The following RIC1 variants were observed in gnomAD, a reference collection of about 807,000 sequenced individuals.
The protein encoded by RIC1 is guanine nucleotide exchange factor subunit RIC1.
A neutral mutation model predicts 169.0 loss-of-function variants in RIC1; 88 were observed. The ratio of observed to expected loss-of-function variants is 0.52; its 90% confidence interval spans 0.44 to 0.62. RIC1 has a LOEUF of 0.62. Ranked by LOEUF, RIC1 falls within the 20% of genes least tolerant of loss-of-function variation. The probability of loss-of-function intolerance (pLI) is 0.00; values close to 1 mark genes in which losing one functional copy is unlikely to be tolerated. For synonymous variants in RIC1, 790 were observed against 601.5 expected, an observed-to-expected ratio of 1.31 and a Z score of -4.59; for missense variants, 1,877 against 1,725.5, an observed-to-expected ratio of 1.09 and a Z score of -1.56.
Position 5,769,124 on chromosome 9 carries a change from C to G in RIC1, c.3292C>G (p.Arg1098Gly). ...ACTAATTAGTTGGCTATGCAAGGAACGTACCCGAGCCGCCCGGGTAGACAA... is the reference window on the plus strand; with the variant it reads ...ACTAATTAGTTGGCTATGCAAGGAAGGTACCCGAGCCGCCCGGGTAGACAA... ...FELISWLCKE[R>G]TRAARVDNFV... Residue 1098 changes from arginine to glycine, a missense_variant, in exon 22 of 26, where the codon CGT (arginine) becomes GGT (glycine). By Grantham distance (125) the Arg-to-Gly change is moderately radical. Around this residue, in one of 3 missense-constraint regions of RIC1, gnomAD observed 681 missense variants for 582.0 expected, o/e 1.17. Coordinates refer to ENST00000414202, the MANE Select transcript of RIC1 (RefSeq NM_020829.4). 6.2e-7 allele frequency: 1 copy of G among 1,614,092 alleles called. No individual in the cohort carries two copies.
chr9:5,630,427 C>T (rs1231472661), intron 1 of RIC1, among the ~76,000 whole-genome samples: 1 of 152,138 alleles, frequency 6.6e-6, no homozygotes, highest in Non-Finnish European at 1.5e-5. Flanking sequence ...AGGTTGTGAT[C>T]TTGTCCTTAT....
At chr9:5,706,865 A>G (rs991669437) in intron 3 of RIC1, among the ~76,000 whole-genome samples, 3 of 152,138 alleles carry the variant, frequency 2.0e-5, no homozygotes, top group African/African-American at 7.2e-5. Flanking sequence ...GATGTTTTCA[A>G]ACAACCAACT....
Position 5,720,597 on chromosome 9 carries a change from C to A in RIC1, c.584-17C>A, listed in dbSNP as rs370202465. ...TATATTCTTAATCCTATTTCATGTGCTTATTTTTTTCATCAGTAGGTTCAT... is the reference window on the plus strand; with the variant it reads ...TATATTCTTAATCCTATTTCATGTGATTATTTTTTTCATCAGTAGGTTCAT... On this transcript the variant is annotated splice_polypyrimidine_tract_variant and intron_variant, in intron 5 of 25. Coordinates refer to ENST00000414202, the MANE Select transcript of RIC1 (RefSeq NM_020829.4). The A allele has an allele frequency of 6.4e-7, 1 of 1,571,156 alleles. No individual in the cohort carries two copies. The highest frequency in any genetic ancestry group is 2.1e-5 in the Admixed American group (1 of 47,684).
chr9:5,726,330 TC>T (rs1280868043), intron 6 of RIC1, among the ~76,000 whole-genome samples: 1 of 152,236 alleles, frequency 6.6e-6, no homozygotes, highest in East Asian at 1.9e-4. Context: ...TCTCTATTGA[TC>T]TTTGTTGGTT....
intron 3 of RIC1, among the ~76,000 whole-genome samples, chr9:5,692,946 C>T (rs935432871): frequency 3.3e-5 from 5 of 152,070 alleles, no homozygotes; most frequent in African/African-American, 1.2e-4. Context: ...CAGAGTAACT[C>T]ACCCATAGTC....
intron 2 of RIC1, among the ~76,000 whole-genome samples, chr9:5,688,817 C>T (rs748425783): frequency 2.9e-4 from 44 of 152,114 alleles, no homozygotes; most frequent in Non-Finnish European, 5.9e-4. Flanking sequence ...GAGTACATGC[C>T]CACCTCCCTC....
At chr9:5,649,934 C>T (rs1818711762) in intron 1 of RIC1, among the ~76,000 whole-genome samples, 1 of 151,976 alleles carries the variant, frequency 6.6e-6, no homozygotes, top group African/African-American at 2.4e-5. Flanking sequence ...TTTCATATGA[C>T]CTTTTTAGCC....
At chr9:5,659,955 C>G (rs966534734) in intron 2 of RIC1, among the ~76,000 whole-genome samples, 5 of 152,032 alleles carry the variant, frequency 3.3e-5, no homozygotes, top group African/African-American at 1.2e-4. Flanking sequence ...AGGTATTAAG[C>G]CCAGCATCCA....
In RIC1 at chr9:5,773,954, A is replaced by G. The variant is rs1827420573; in HGVS notation, c.3984-4A>G. 1 of 1,579,932 alleles carries G rather than the reference A, an allele frequency of 6.3e-7. No homozygotes were observed. Among genetic ancestry groups the G allele is most frequent in the South Asian group, 1.2e-5 (1 of 85,794 alleles). On this transcript the variant is annotated splice_region_variant and splice_polypyrimidine_tract_variant and intron_variant, in intron 25 of 25. Coordinates refer to ENST00000414202, the MANE Select transcript of RIC1 (RefSeq NM_020829.4). ...ATGAGCTAATGTTTTTTTTCTCTAC[A>G]TAGTCCTGGATATAAGCCATTTTTA...
intron 2 of RIC1, among the ~76,000 whole-genome samples, chr9:5,680,376 C>T (rs1232776082): frequency 6.6e-6 from 1 of 152,120 alleles, no homozygotes; most frequent in Non-Finnish European, 1.5e-5. Flanking sequence ...AGGGAGGATT[C>T]CCTCTTTTTC....
In RIC1 at chr9:5,763,418, C is replaced by G. The variant is rs138413276; in HGVS notation, c.2391C>G (p.Leu797=). The change falls in exon 19 of 26, where the codon CTC becomes CTG. Residue 797 remains leucine, a synonymous_variant. Transcript: ENST00000414202. This position sits in a 1 kb window ranked among gnomAD's most constrained non-coding sequence, Gnocchi z 5.2. Reference sequence around the variant, plus strand: ...TTGGTGCTGTCAATGACACTTTGCTCTATGATTCTTTATATACTCGGAACA... The same window carrying G: ...TTGGTGCTGTCAATGACACTTTGCTGTATGATTCTTTATATACTCGGAACA... ...LVLGAVNDTL[L]YDSLYTRNNA... The G allele has an allele frequency of 1.9e-5, 30 of 1,614,064 alleles. No homozygotes were observed. Among genetic ancestry groups the G allele is most frequent in the Non-Finnish European group, 2.5e-5 (30 of 1,180,034 alleles).
At chr9:5,703,636 C>G (rs1453247945) in intron 3 of RIC1, among the ~76,000 whole-genome samples, 1 of 152,208 alleles carries the variant, frequency 6.6e-6, no homozygotes, top group Non-Finnish European at 1.5e-5. Flanking sequence ...GAATCACACA[C>G]TATGTACCTT....
Position 5,720,241 on chromosome 9 carries a change from T to C in RIC1, c.500T>C (p.Ile167Thr), listed in dbSNP as rs377318474. 1 of 1,613,266 alleles carries C rather than the reference T, an allele frequency of 6.2e-7. No homozygotes were observed. Among genetic ancestry groups the C allele is most frequent in the African/African-American group, 1.3e-5 (1 of 74,930 alleles). The part of the protein sequence containing the change: ...VATSDGLLHL[I>T]HWEGMTNGRK... Reference sequence around the variant, plus strand: ...ACTTCTGATGGACTTCTTCATCTTATTCACTGGGAAGGAATGACAAATGGA... The same window carrying C: ...ACTTCTGATGGACTTCTTCATCTTACTCACTGGGAAGGAATGACAAATGGA... Residue 167 changes from isoleucine to threonine, a missense_variant, in exon 5 of 26, where the codon ATT (isoleucine) becomes ACT (threonine). This residue lies in a region of RIC1 where 1,104 missense variants were observed against 992.0 expected (regional missense o/e 1.11). Transcript: ENST00000414202.
At chr9:5,691,373 A>C (rs745489188) in intron 3 of RIC1, among the ~76,000 whole-genome samples, 1 of 151,978 alleles carries the variant, frequency 6.6e-6, no homozygotes, top group Non-Finnish European at 1.5e-5. Flanking sequence ...TAAATTTTCA[A>C]CTAGTTAGAT....
chr9:5,651,909 A>C (rs971645947), intron 1 of RIC1, among the ~76,000 whole-genome samples: 12 of 152,128 alleles, frequency 7.9e-5, no homozygotes, highest in Admixed American at 2.6e-4. Context: ...ATAGTAAGAT[A>C]AGGGTCTAAT....
At position 5,738,433 on chromosome 9, in the gene RIC1, C is replaced by A; in HGVS notation, c.813-17C>A. The stretch of plus-strand genomic sequence containing the variant: ...TTGTCTTTTTTCACTAAAAGTTTTT[C>A]GTTGTTGTTTTCACAGTGGTTCTGT... On this transcript the variant is annotated splice_polypyrimidine_tract_variant and intron_variant, in intron 7 of 25. Coordinates refer to ENST00000414202, the MANE Select transcript of RIC1 (RefSeq NM_020829.4). 2 of 1,543,906 alleles carry A rather than the reference C, an allele frequency of 1.3e-6. No homozygotes were observed. Among genetic ancestry groups the A allele is most frequent in the African/African-American group, 1.4e-5 (1 of 72,014 alleles).
At chr9:5,732,520 C>T (rs761098788) in intron 7 of RIC1, 41 bp downstream of exon 7, 1 of 1,330,538 alleles carries the variant, frequency 7.5e-7, no homozygotes, top group Admixed American at 2.4e-5. Context: ...AGAGTTGTTG[C>T]AAAAAATACT....
intron 2 of RIC1, among the ~76,000 whole-genome samples, chr9:5,680,349 G>A (rs555964115): frequency 4.5e-4 from 69 of 152,308 alleles, no homozygotes; most frequent in South Asian, 2.3e-3. Flanking sequence ...GGTGATGCTG[G>A]CGTCATCAAA....
At chr9:5,703,183 A>G (rs1822343883) in intron 3 of RIC1, among the ~76,000 whole-genome samples, 1 of 152,192 alleles carries the variant, frequency 6.6e-6, no homozygotes, top group African/African-American at 2.4e-5. Flanking sequence ...AGCCTGTAAA[A>G]TCAAAAACAA....
Sources: gnomAD v4.1 joint callset for allele counts (sites outside exome capture counted in the v4.1 genomes callset) on GRCh38, gnomAD v4.1.1 for gene constraint, gnomAD v4.1.1 regional missense constraint, Gnocchi (gnomAD v3.1) non-coding constraint, MANE v1.5 for transcripts, NCBI Gene and HGNC (gene_info 2026-07-23, HGNC 2026-07-21) for gene names.